The following CSRNP3 variants were observed in gnomAD, a reference collection of about 807,000 sequenced individuals.
The protein encoded by CSRNP3 is cysteine and serine rich nuclear protein 3, also known as cysteine/serine-rich nuclear protein 3.
In CSRNP3, 12 loss-of-function variants were observed where a neutral mutation model predicts 48.0. That is an observed-to-expected ratio of 0.25 (90% CI 0.16 to 0.41). The LOEUF is 0.41. Ranked by LOEUF, CSRNP3 falls within the 10% of genes least tolerant of loss-of-function variation. The pLI is 1.00. For missense variants in CSRNP3, 580 were observed against 724.4 expected (o/e 0.80, Z 2.29); for synonymous variants, 263 against 269.7 (o/e 0.98, Z 0.24).
chr2:165,536,096 A>C (rs577250178), intron 3 of CSRNP3, among the ~76,000 whole-genome samples: 17 of 151,964 alleles, frequency 1.1e-4, no homozygotes, highest in African/African-American at 4.1e-4. Context: ...ACTCCAAGCT[A>C]TATGCACATT....
chr2:165,667,775 C>G (rs1687259317), intron 5 of CSRNP3, among the ~76,000 whole-genome samples: 1 of 152,172 alleles, frequency 6.6e-6, no homozygotes, highest in Non-Finnish European at 1.5e-5. Context: ...CATGTCTATT[C>G]TCTCTTCCAC....
rs1687650795 is a variant in CSRNP3, at chr2:165,687,589, G to C, written c.*7836G>C. ...ACTCCTCCTGTGGGAGATAGGAATAGTTGTGAAGAGTCTGATGGAATAAAA... is the reference window on the plus strand; with the variant it reads ...ACTCCTCCTGTGGGAGATAGGAATACTTGTGAAGAGTCTGATGGAATAAAA... On this transcript the variant is annotated 3_prime_UTR_variant, in exon 7 of 7. Transcript: ENST00000651982. 6.6e-6 allele frequency: 1 copy of C among 152,098 alleles called. No homozygotes were observed. The highest frequency in any genetic ancestry group is 1.5e-5 in the Non-Finnish European group (1 of 68,000). 9.4% of individuals were successfully genotyped at this position (152,098 alleles called of 1,614,324 possible).
At chr2:165,626,957 G>A (rs1686446274) in intron 4 of CSRNP3, among the ~76,000 whole-genome samples, 1 of 152,008 alleles carries the variant, frequency 6.6e-6, no homozygotes, top group Admixed American at 6.6e-5. Context: ...CTTGTTGCTG[G>A]CCTCGTTTCT....
chr2:165,660,818 A>G (rs10184761), intron 5 of CSRNP3, among the ~76,000 whole-genome samples: 110,221 of 152,098 alleles, frequency 0.72, 40,242 homozygotes, highest in South Asian at 0.79. Flanking sequence ...TTGAAAACAC[A>G]GTTTTCCCCT....
At chr2:165,478,385 CTT>C (rs35273240) in intron 1 of CSRNP3, among the ~76,000 whole-genome samples, 1 of 152,126 alleles carries the variant, frequency 6.6e-6, no homozygotes, top group Non-Finnish European at 1.5e-5. Flanking sequence ...AATTTTCACT[CTT>C]TTTCTCTCCC....
chr2:165,674,079 T>C (rs139396660), intron 5 of CSRNP3, among the ~76,000 whole-genome samples: 380 of 152,142 alleles, frequency 2.5e-3, no homozygotes, highest in Non-Finnish European at 4.4e-3. Flanking sequence ...TGATATAAAA[T>C]GGAGATTTTG....
chr2:165,554,805 T>C (rs1396020101), intron 3 of CSRNP3, among the ~76,000 whole-genome samples: 1 of 152,156 alleles, frequency 6.6e-6, no homozygotes, highest in Non-Finnish European at 1.5e-5. Context: ...ATTCCTCTGC[T>C]CAGGACTCTC....
intron 2 of CSRNP3, among the ~76,000 whole-genome samples, chr2:165,500,894 G>T (rs1684350334): frequency 2.0e-5 from 3 of 152,008 alleles, no homozygotes; most frequent in Non-Finnish European, 4.4e-5. Flanking sequence ...ATAAATCATG[G>T]AAAGTAATAT....
chr2:165,561,794 T>C (rs1201377047), intron 3 of CSRNP3, among the ~76,000 whole-genome samples: 1 of 152,180 alleles, frequency 6.6e-6, no homozygotes, highest in Non-Finnish European at 1.5e-5. Context: ...ATTTCTATTT[T>C]GTAAGCTCTT....
At chr2:165,556,244 G>A (rs541429460) in intron 3 of CSRNP3, among the ~76,000 whole-genome samples, 1 of 152,156 alleles carries the variant, frequency 6.6e-6, no homozygotes, top group Non-Finnish European at 1.5e-5. Context: ...AACTGGGATA[G>A]TGTTATTGGA....
In CSRNP3 at chr2:165,504,405, G is replaced by T. The variant is rs551075870; in HGVS notation, c.-113+9477G>T. On this transcript the variant is annotated intron_variant, in intron 2 of 6. Coordinates refer to ENST00000651982, the MANE Select transcript of CSRNP3 (RefSeq NM_001172173.2). Reference sequence around the variant, plus strand: ...GGAAACTGAGATGCAAAGGGGATAAGTAGCTTATCTAAGTCCACACAGCTT... The same window carrying T: ...GGAAACTGAGATGCAAAGGGGATAATTAGCTTATCTAAGTCCACACAGCTT... Among the ~76,000 whole-genome samples, 47 of 152,116 alleles carry T rather than the reference G, an allele frequency of 3.1e-4. No individual in the cohort carries two copies. In the South Asian group the frequency reaches 9.3e-3, roughly 30 times the overall value.
chr2:165,522,281 C>T (rs770031767), intron 3 of CSRNP3, among the ~76,000 whole-genome samples: 1 of 151,458 alleles, frequency 6.6e-6, no homozygotes, highest in Non-Finnish European at 1.5e-5. Context: ...GCCTGGGTGA[C>T]AGAGTGAGGC....
At chr2:165,656,283 C>T (rs1415319527) in intron 4 of CSRNP3, among the ~76,000 whole-genome samples, 2 of 152,146 alleles carry the variant, frequency 1.3e-5, no homozygotes, top group Non-Finnish European at 1.5e-5. Flanking sequence ...ATGATTCTAC[C>T]ATGGCTTCTA....
At chr2:165,497,595 A>G (rs1486934124) in intron 2 of CSRNP3, among the ~76,000 whole-genome samples, 1 of 152,120 alleles carries the variant, frequency 6.6e-6, no homozygotes. Context: ...AATGCTGTCT[A>G]TATAACTGAG....
intron 3 of CSRNP3, chr2:165,574,408 G>T: frequency 6.5e-7 from 1 of 1,549,694 alleles, no homozygotes; most frequent in Non-Finnish European, 8.7e-7. Flanking sequence ...CGTGTGTGCC[G>T]TAGTCGTTAT....
chr2:165,558,142 G>T (rs181688392), intron 3 of CSRNP3, among the ~76,000 whole-genome samples: 1 of 152,212 alleles, frequency 6.6e-6, no homozygotes, highest in East Asian at 1.9e-4. Flanking sequence ...AAAATTAAGG[G>T]GGGGAAAAAA....
At chr2:165,569,965 A>T (rs748963695) in intron 3 of CSRNP3, among the ~76,000 whole-genome samples, 3 of 152,004 alleles carry the variant, frequency 2.0e-5, no homozygotes, top group Non-Finnish European at 4.4e-5. Context: ...TTGTTAGAAT[A>T]ATTTATTTAA....
At chr2:165,506,697 A>G (rs893241890) in intron 2 of CSRNP3, among the ~76,000 whole-genome samples, 1 of 152,054 alleles carries the variant, frequency 6.6e-6, no homozygotes, top group African/African-American at 2.4e-5. Context: ...CCTCAAAACC[A>G]TTGTAACTAC....
intron 3 of CSRNP3, among the ~76,000 whole-genome samples, chr2:165,587,441 G>A (rs1685650282): frequency 6.6e-6 from 1 of 152,224 alleles, no homozygotes; most frequent in Non-Finnish European, 1.5e-5. Context: ...TGTTCACAAT[G>A]TCTCCCTCTC....
Sources: gnomAD v4.1 joint callset for allele counts (sites outside exome capture counted in the v4.1 genomes callset) on GRCh38, gnomAD v4.1.1 for gene constraint, MANE v1.5 for transcripts, NCBI Gene and HGNC (gene_info 2026-07-23, HGNC 2026-07-21) for gene names.